Variants in ZNF892 observed in about 807,000 individuals in gnomAD.
The protein encoded by ZNF892 is zinc finger protein 570-like.
the ZNF892 span, among the ~76,000 whole-genome samples, chr2:95,217,946 C>G: frequency 6.6e-6 from 1 of 152,224 alleles, no homozygotes; most frequent in Non-Finnish European, 1.5e-5. Flanking sequence ...GGATCATTCT[C>G]TTTTCTTGAA....
At chr2:95,257,111 G>A in the ZNF892 span, among the ~76,000 whole-genome samples, 1 of 152,226 alleles carries the variant, frequency 6.6e-6, no homozygotes. Flanking sequence ...TTCCATTGCT[G>A]GTGAGGGGCT....
At chr2:95,260,444 G>A in the ZNF892 span, among the ~76,000 whole-genome samples, 26 of 152,278 alleles carry the variant, frequency 1.7e-4, no homozygotes, top group African/African-American at 6.0e-4. Context: ...CCATTCTGCT[G>A]ACACTCATAA....
chr2:95,242,839 G>A, the ZNF892 span, among the ~76,000 whole-genome samples: 172 of 151,562 alleles, frequency 1.1e-3, 1 homozygote, highest in East Asian at 0.014. Context: ...CTCTCCCCAC[G>A]GTCTCCCTCT....
chr2:95,221,949 A>C, the ZNF892 span, among the ~76,000 whole-genome samples: 1 of 151,014 alleles, frequency 6.6e-6, no homozygotes, highest in Non-Finnish European at 1.5e-5. Flanking sequence ...CCTCCTCCCT[A>C]TCTTCCTCCT....
chr2:95,229,071 AGATT>A, the ZNF892 span, among the ~76,000 whole-genome samples: 20 of 152,016 alleles, frequency 1.3e-4, no homozygotes, highest in Non-Finnish European at 2.2e-4. Context: ...ACTTCTTAAT[AGATT>A]GATTGATGTC....
the ZNF892 span, chr2:95,212,217 T>C: frequency 2.5e-6 from 1 of 398,528 alleles, no homozygotes; most frequent in Non-Finnish European, 4.4e-6. Context: ...ACACCTGATG[T>C]AATCTCTCAG....
chr2:95,237,863 C>T, the ZNF892 span, among the ~76,000 whole-genome samples: 2 of 152,198 alleles, frequency 1.3e-5, no homozygotes, highest in Non-Finnish European at 2.9e-5. Context: ...CTGCAATATT[C>T]CTTTAAGCCG....
At chr2:95,250,910 C>T in the ZNF892 span, among the ~76,000 whole-genome samples, 680 of 146,074 alleles carry the variant, frequency 4.7e-3, 4 homozygotes, top group African/African-American at 0.016. Context: ...TAAACATTGA[C>T]GTCAATACTT....
the ZNF892 span, among the ~76,000 whole-genome samples, chr2:95,252,959 T>A: frequency 6.6e-6 from 1 of 152,220 alleles, no homozygotes; most frequent in Non-Finnish European, 1.5e-5. Flanking sequence ...TAAATTTGTT[T>A]GAGTTCATTG....
chr2:95,238,210 C>A, the ZNF892 span, among the ~76,000 whole-genome samples: 1 of 152,222 alleles, frequency 6.6e-6, no homozygotes, highest in Non-Finnish European at 1.5e-5. Context: ...ATGGGACAGC[C>A]TGACTCTCTT....
At chr2:95,215,119 A>C in the ZNF892 span, 1 of 492,304 alleles carries the variant, frequency 2.0e-6, no homozygotes, top group East Asian at 3.2e-5. Context: ...AAACCTTATA[A>C]GTGTAACGAA....
the ZNF892 span, among the ~76,000 whole-genome samples, chr2:95,246,027 T>G: frequency 6.6e-6 from 1 of 152,226 alleles, no homozygotes; most frequent in African/African-American, 2.4e-5. Context: ...GAGGCCAGCA[T>G]TGTCCTGATA....
At chr2:95,235,507 G>A in the ZNF892 span, among the ~76,000 whole-genome samples, 1 of 152,034 alleles carries the variant, frequency 6.6e-6, no homozygotes, top group South Asian at 2.1e-4. Flanking sequence ...GACTACAGGC[G>A]CCAGCCACCA....
chr2:95,227,814 C>T, the ZNF892 span, among the ~76,000 whole-genome samples: 6 of 151,830 alleles, frequency 4.0e-5, no homozygotes, highest in Admixed American at 1.3e-4. Context: ...GATAGGGTCT[C>T]GCTATGGTAC....
chr2:95,245,459 G>GT, the ZNF892 span, among the ~76,000 whole-genome samples: 1 of 112,196 alleles, frequency 8.9e-6, no homozygotes, highest in African/African-American at 3.7e-5. Context: ...GCGGGGGGGG[G>GT]GGGGTTTCAC....
the ZNF892 span, among the ~76,000 whole-genome samples, chr2:95,254,949 G>A: frequency 1.3e-5 from 2 of 152,062 alleles, no homozygotes; most frequent in Non-Finnish European, 2.9e-5. Context: ...ATTTTGTATT[G>A]CATCTATTTG....
At chr2:95,231,513 T>C in the ZNF892 span, among the ~76,000 whole-genome samples, 1 of 152,184 alleles carries the variant, frequency 6.6e-6, no homozygotes, top group East Asian at 1.9e-4. Context: ...GATTTACATA[T>C]GCAATGTATA....
chr2:95,240,794 T>C, the ZNF892 span, among the ~76,000 whole-genome samples: 1 of 152,008 alleles, frequency 6.6e-6, no homozygotes, highest in Non-Finnish European at 1.5e-5. Flanking sequence ...CTGAACCACC[T>C]CTGTGGTTCA....
At chr2:95,229,958 C>T in the ZNF892 span, among the ~76,000 whole-genome samples, 2 of 152,094 alleles carry the variant, frequency 1.3e-5, no homozygotes, top group Non-Finnish European at 2.9e-5. Context: ...ACATTTTAAC[C>T]ATCTGGCTTA....
Sources: allele counts gnomAD v4.1 joint callset (sites outside exome capture counted in the v4.1 genomes callset), GRCh38; gene constraint gnomAD v4.1.1; transcripts MANE v1.5; gene names NCBI Gene and HGNC (gene_info 2026-07-23, HGNC 2026-07-21).